VSTM4: variants seen among roughly 807,000 people sequenced by gnomAD.
VSTM4 encodes V-set and transmembrane domain containing 4, also known as V-set and transmembrane domain-containing protein 4.
Under a neutral mutation model 36.4 loss-of-function variants are expected in VSTM4, and 20 were observed. The ratio of observed to expected loss-of-function variants is 0.55; its 90% CI spans 0.39 to 0.80. The LOEUF is 0.80. Among genes scored for constraint, VSTM4 ranks in the 30% least tolerant of loss-of-function variants. The pLI, the probability that VSTM4 is intolerant of heterozygous loss-of-function variation, is 0.00. For missense variants in VSTM4, 392 were observed against 404.5 expected, an observed-to-expected ratio of 0.97 and a Z score of 0.26; for synonymous variants, 182 against 173.9, an observed-to-expected ratio of 1.05 and a Z score of -0.37.
At chr10:49,070,915 C>T (rs148830983) in intron 4 of VSTM4, among the ~76,000 whole-genome samples, 29 of 152,334 alleles carry the variant, frequency 1.9e-4, no homozygotes, top group African/African-American at 6.7e-4. Context: ...TGCTCCTCAT[C>T]CACAGCCACC....
chr10:49,057,554 C>T (rs1564576960), intron 5 of VSTM4, among the ~76,000 whole-genome samples: 1 of 152,208 alleles, frequency 6.6e-6, no homozygotes, highest in Non-Finnish European at 1.5e-5. Flanking sequence ...TGTCGGAATC[C>T]AGGTGCATAT....
chr10:49,084,803 A>G (rs1018264405), intron 3 of VSTM4, among the ~76,000 whole-genome samples: 1 of 152,208 alleles, frequency 6.6e-6, no homozygotes, highest in African/African-American at 2.4e-5. Context: ...ATCCTCACCC[A>G]CTTTATGATA....
At chr10:49,040,063 AC>A (rs1309965709) in intron 7 of VSTM4, among the ~76,000 whole-genome samples, 1 of 152,062 alleles carries the variant, frequency 6.6e-6, no homozygotes, top group African/African-American at 2.4e-5. Context: ...CCAATGCCTC[AC>A]CCCAAGGGGA....
At chr10:49,074,667 G>T (rs1329738133) in intron 4 of VSTM4, among the ~76,000 whole-genome samples, 1 of 152,188 alleles carries the variant, frequency 6.6e-6, no homozygotes, top group Non-Finnish European at 1.5e-5. Context: ...CCTGCCAATG[G>T]GAGTTGCACT....
intron 7 of VSTM4, among the ~76,000 whole-genome samples, chr10:49,044,454 G>A (rs1564571441): frequency 7.9e-6 from 1 of 126,248 alleles, no homozygotes; most frequent in Non-Finnish European, 1.7e-5. Context: ...AGGAGAGAAA[G>A]AAAGAAAGAA....
intron 7 of VSTM4, among the ~76,000 whole-genome samples, chr10:49,043,851 C>T (rs72783191): frequency 0.02 from 2,972 of 152,310 alleles, 45 homozygotes; most frequent in Admixed American, 0.03. Flanking sequence ...GGTGAACTGG[C>T]TTTATGCTTT....
At chr10:49,051,839 GT>G (rs534658037) in intron 5 of VSTM4, among the ~76,000 whole-genome samples, 11 of 152,120 alleles carry the variant, frequency 7.2e-5, no homozygotes, top group African/African-American at 2.4e-4. Context: ...TCCATGTGCA[GT>G]TTTTTTGTGT....
chr10:49,069,360 C>T (rs749423300), intron 4 of VSTM4, among the ~76,000 whole-genome samples: 4 of 152,230 alleles, frequency 2.6e-5, no homozygotes, highest in South Asian at 2.1e-4. Context: ...TGTCTGCACT[C>T]GAGGCAAGGA....
intron 3 of VSTM4, among the ~76,000 whole-genome samples, chr10:49,080,433 T>G (rs1844258464): frequency 6.6e-6 from 1 of 152,124 alleles, no homozygotes; most frequent in Non-Finnish European, 1.5e-5. Flanking sequence ...GCCCCTGGAG[T>G]CTATGAGATC....
intron 2 of VSTM4, chr10:49,103,648 G>A (rs1844709232): frequency 3.2e-6 from 5 of 1,539,984 alleles, no homozygotes; most frequent in African/African-American, 1.4e-5. Flanking sequence ...CCATGTGCTG[G>A]GCGAGGTGTT....
chr10:49,105,376 G>C (rs921879637), intron 2 of VSTM4, among the ~76,000 whole-genome samples: 6 of 151,594 alleles, frequency 4.0e-5, no homozygotes, highest in African/African-American at 1.5e-4. Flanking sequence ...CAGAGAGAGA[G>C]AGAGACAGAA....
intron 7 of VSTM4, 93 bp downstream of exon 7, chr10:49,046,890 C>G (rs1485938118): frequency 7.9e-7 from 1 of 1,269,428 alleles, no homozygotes; most frequent in East Asian, 2.3e-5. Context: ...CTAAAACTTT[C>G]TGTATGTTTT....
chr10:49,059,604 C>T (rs938595839), intron 5 of VSTM4, among the ~76,000 whole-genome samples: 7 of 152,124 alleles, frequency 4.6e-5, no homozygotes, highest in African/African-American at 7.2e-5. Flanking sequence ...AGCATGTTGG[C>T]GGGCTGATCA....
chr10:49,053,346 CA>C (rs1395113515), intron 5 of VSTM4, among the ~76,000 whole-genome samples: 1 of 152,200 alleles, frequency 6.6e-6, no homozygotes, highest in African/African-American at 2.4e-5. Context: ...TTCTGTCCCA[CA>C]AAGGCTTGGC....
intron 7 of VSTM4, among the ~76,000 whole-genome samples, chr10:49,023,784 T>C (rs1462190435): frequency 6.6e-6 from 1 of 152,186 alleles, no homozygotes; most frequent in Non-Finnish European, 1.5e-5. Context: ...CTCTGGGGGA[T>C]GCAGGAAGTA....
intron 4 of VSTM4, among the ~76,000 whole-genome samples, chr10:49,066,278 C>T (rs1843972581): frequency 6.6e-6 from 1 of 152,156 alleles, no homozygotes; most frequent in African/African-American, 2.4e-5. Context: ...GTAAATGAGA[C>T]ATCAAACAAG....
chr10:49,048,110 A>G (rs572068739), intron 6 of VSTM4, among the ~76,000 whole-genome samples: 1 of 152,346 alleles, frequency 6.6e-6, no homozygotes, highest in East Asian at 1.9e-4. Context: ...CTTCCCTTGA[A>G]TGAACCAAGA....
intron 7 of VSTM4, among the ~76,000 whole-genome samples, chr10:49,022,012 T>C (rs913209067): frequency 2.6e-5 from 4 of 152,230 alleles, no homozygotes; most frequent in African/African-American, 7.2e-5. Flanking sequence ...ACATTAACCA[T>C]GGCTCTTTCT....
chr10:49,089,249 C>T (rs1844428944), intron 2 of VSTM4, among the ~76,000 whole-genome samples: 2 of 152,110 alleles, frequency 1.3e-5, no homozygotes, highest in African/African-American at 2.4e-5. Flanking sequence ...ACCTACTGAG[C>T]CCATATCCAC....
Sources: allele counts gnomAD v4.1 joint callset (sites outside exome capture counted in the v4.1 genomes callset), GRCh38; gene constraint gnomAD v4.1.1; transcripts MANE v1.5; gene names NCBI Gene and HGNC (gene_info 2026-07-23, HGNC 2026-07-21).